Variants in FAM133A observed in about 807,000 individuals in gnomAD.
FAM133A encodes the protein family with sequence similarity 133 member A, also known as protein FAM133A.
For missense variants in FAM133A, 159 were observed against 164.4 expected (o/e 0.97, Z 0.18); for synonymous variants, 65 against 58.6 (o/e 1.11, Z -0.50).
intron 3 of FAM133A, among the ~76,000 whole-genome samples, chrX:93,708,760 G>T (rs966825556): frequency 1.8e-5 from 2 of 111,860 alleles, no homozygotes; most frequent in Non-Finnish European, 3.8e-5. Context: ...AGATGATAGT[G>T]GCCTGGGCTA....
chrX:93,691,087 T>C (rs1925856843), intron 2 of FAM133A, among the ~76,000 whole-genome samples: 2 of 111,891 alleles, frequency 1.8e-5, no homozygotes, highest in Admixed American at 1.9e-4. Context: ...GATATATGAT[T>C]TGCAATATTT....
At chrX:93,683,844 A>G (rs1489296938) in intron 2 of FAM133A, among the ~76,000 whole-genome samples, 4 of 110,301 alleles carry the variant, frequency 3.6e-5, no homozygotes, top group East Asian at 2.9e-4. Context: ...TAATTTGCCA[A>G]TTTTTGAAAT....
At chrX:93,694,381 G>A (rs1671085168) in intron 2 of FAM133A, among the ~76,000 whole-genome samples, 1 of 110,106 alleles carries the variant, frequency 9.1e-6, no homozygotes, top group South Asian at 3.8e-4. Flanking sequence ...TCGATGTAGC[G>A]TGTGAAATCA....
intron 2 of FAM133A, among the ~76,000 whole-genome samples, chrX:93,695,798 C>G (rs757447632): frequency 9.2e-6 from 1 of 108,322 alleles, no homozygotes; most frequent in Non-Finnish European, 1.9e-5. Flanking sequence ...CCCGCCACCA[C>G]GCCTGGCTAA....
At chrX:93,678,163 A>T (rs948877315) in intron 2 of FAM133A, among the ~76,000 whole-genome samples, 3 of 111,622 alleles carry the variant, frequency 2.7e-5, no homozygotes. Context: ...TGCCATCCAC[A>T]TATCTTTTTT....
At chrX:93,704,061 G>T (rs973936205) in intron 3 of FAM133A, among the ~76,000 whole-genome samples, 19 of 111,363 alleles carry the variant, frequency 1.7e-4, no homozygotes, top group African/African-American at 6.2e-4. Flanking sequence ...ACTAGAATAG[G>T]ATGTGTTCAT....
chrX:93,703,953 CA>C (rs1436840348), intron 3 of FAM133A, among the ~76,000 whole-genome samples: 1 of 111,801 alleles, frequency 8.9e-6, no homozygotes, highest in Non-Finnish European at 1.9e-5. Flanking sequence ...AGGGAATATA[CA>C]TGAGAAGAAC....
chrX:93,708,653 C>A (rs1445685453), intron 3 of FAM133A, among the ~76,000 whole-genome samples: 1 of 111,857 alleles, frequency 8.9e-6, no homozygotes, highest in Non-Finnish European at 1.9e-5. Flanking sequence ...ATAGGTCTGG[C>A]CTTGAGATTG....
upstream of FAM133A, among the ~76,000 whole-genome samples, chrX:93,673,764 A>G (rs1488360340): frequency 1.8e-5 from 2 of 108,971 alleles, no homozygotes; most frequent in Non-Finnish European, 3.8e-5. Flanking sequence ...ACCTTCCCAG[A>G]CGCCGCTCGC....
chrX:93,680,415 A>G (rs1039565530), intron 2 of FAM133A, among the ~76,000 whole-genome samples: 2 of 111,649 alleles, frequency 1.8e-5, no homozygotes, highest in African/African-American at 6.5e-5. Flanking sequence ...GGGAGTACAG[A>G]TATCTCTTCA....
chrX:93,708,289 A>G (rs1249210721), intron 3 of FAM133A, among the ~76,000 whole-genome samples: 1 of 112,232 alleles, frequency 8.9e-6, no homozygotes, highest in Non-Finnish European at 1.9e-5. Flanking sequence ...GTGAAACAAA[A>G]CAAAAGTAAG....
chrX:93,694,221 C>A (rs1926076583), intron 2 of FAM133A, among the ~76,000 whole-genome samples: 1 of 109,196 alleles, frequency 9.2e-6, no homozygotes, highest in African/African-American at 3.3e-5. Context: ...TATGGAATAT[C>A]TTTTTTTTTG....
chrX:93,695,358 A>T lies in FAM133A; in HGVS notation c.-192-3039A>T, dbSNP rs192349624. ...AACCTCCGCCTCCTGGATTCAAGCG[A>T]TTCTCCTGCCTCAGCTTCCCGAGTA... On this transcript the variant is annotated intron_variant, in intron 2 of 3. Transcript: ENST00000683942. 2.4e-4 allele frequency among the ~76,000 whole-genome samples: 27 copies of T among 110,684 alleles called. No individual in the cohort carries two copies. In the East Asian group the frequency reaches 7.8e-3, roughly 32 times the overall value.
intron 2 of FAM133A, among the ~76,000 whole-genome samples, chrX:93,695,363 C>T (rs973960481): frequency 9.0e-6 from 1 of 111,046 alleles, no homozygotes; most frequent in Non-Finnish European, 1.9e-5. Context: ...AAGCGATTCT[C>T]CTGCCTCAGC....
At chrX:93,678,914 G>A (rs1322859710) in intron 2 of FAM133A, among the ~76,000 whole-genome samples, 1 of 112,076 alleles carries the variant, frequency 8.9e-6, no homozygotes, top group Non-Finnish European at 1.9e-5. Context: ...TCATTACAAT[G>A]GAGACAGTCA....
intron 2 of FAM133A, among the ~76,000 whole-genome samples, chrX:93,692,525 G>A (rs1213597934): frequency 3.6e-5 from 4 of 111,827 alleles, no homozygotes; most frequent in Non-Finnish European, 5.7e-5. Context: ...GCATTGAATA[G>A]ACTATGTTTA....
chrX:93,701,999 A>G (rs1298607367), intron 3 of FAM133A, among the ~76,000 whole-genome samples: 1 of 112,264 alleles, frequency 8.9e-6, no homozygotes, highest in African/African-American at 3.2e-5. Flanking sequence ...TGACTCAGTC[A>G]TATCACCTAG....
At chrX:93,676,344 T>C (rs1346195299) in intron 2 of FAM133A, among the ~76,000 whole-genome samples, 1 of 111,726 alleles carries the variant, frequency 9.0e-6, no homozygotes, top group Non-Finnish European at 1.9e-5. Flanking sequence ...ACATTTGTAA[T>C]CAACATCTCC....
At chrX:93,689,110 C>T (rs1451294462) in intron 2 of FAM133A, among the ~76,000 whole-genome samples, 2 of 107,368 alleles carry the variant, frequency 1.9e-5, no homozygotes, top group Non-Finnish European at 3.8e-5. Flanking sequence ...GGCGTGATCT[C>T]GGCTCACTGC....
Sources: gnomAD v4.1 joint callset for allele counts (sites outside exome capture counted in the v4.1 genomes callset) on GRCh38, gnomAD v4.1.1 for gene constraint, MANE v1.5 for transcripts, NCBI Gene and HGNC (gene_info 2026-07-23, HGNC 2026-07-21) for gene names.